Variants in DAB1 observed in about 807,000 individuals in gnomAD.
The protein encoded by DAB1 is DAB adaptor protein 1, also known as disabled homolog 1.
In DAB1, 15 loss-of-function variants were observed where a neutral mutation model predicts 64.6. That is an observed-to-expected ratio of 0.23 (90% CI 0.16 to 0.36). The LOEUF is 0.36. Among genes scored for constraint, DAB1 ranks in the 10% least tolerant of loss-of-function variants. The pLI, the probability that DAB1 is intolerant of heterozygous loss-of-function variation, is 1.00. For missense variants in DAB1, 596 were observed against 706.7 expected (o/e 0.84, Z 1.78); for synonymous variants, 235 against 251.9 (o/e 0.93, Z 0.64).
At chr1:58,097,751 C>T (rs2100625013) in intron 5 of DAB1, among the ~76,000 whole-genome samples, 1 of 152,324 alleles carries the variant, frequency 6.6e-6, no homozygotes, top group East Asian at 1.9e-4. Context: ...CTAGTGTCTG[C>T]ACCTCCACTC....
intron 4 of DAB1, among the ~76,000 whole-genome samples, chr1:58,300,660 GGAAGGAAGGAAGGAAGGA>G (rs1557726403): frequency 4.3e-4 from 50 of 115,074 alleles, no homozygotes; most frequent in African/African-American, 1.8e-3. Context: ...AAGGAAGGAA[GGAAGGAAGGAAGGAAGGA>G]AGGAAGGAAG....
At chr1:58,520,715 GAC>G (rs1364315925) in intron 2 of DAB1, among the ~76,000 whole-genome samples, 1 of 152,038 alleles carries the variant, frequency 6.6e-6, no homozygotes, top group Non-Finnish European at 1.5e-5. Flanking sequence ...TATTACTAGA[GAC>G]AGTGATTTTA....
At chr1:58,529,525 ACTTTC>A (rs1318553618) in intron 1 of DAB1, among the ~76,000 whole-genome samples, 3 of 152,236 alleles carry the variant, frequency 2.0e-5, no homozygotes, top group Non-Finnish European at 4.4e-5. Flanking sequence ...ACCTAGTAAG[ACTTTC>A]CTTTCAGCAT....
chr1:58,096,352 G>A (rs996027205), intron 5 of DAB1, among the ~76,000 whole-genome samples: 4 of 152,146 alleles, frequency 2.6e-5, no homozygotes, highest in African/African-American at 9.7e-5. Flanking sequence ...TATAATAACT[G>A]TAAAGTAGGT....
chr1:58,390,365 T>C (rs1644466293), intron 3 of DAB1, among the ~76,000 whole-genome samples: 1 of 152,078 alleles, frequency 6.6e-6, no homozygotes, highest in East Asian at 1.9e-4. Context: ...TTGGTTTCAC[T>C]TGAGTTTAAT....
At chr1:58,388,477 C>T (rs1644451632) in intron 3 of DAB1, among the ~76,000 whole-genome samples, 5 of 152,174 alleles carry the variant, frequency 3.3e-5, no homozygotes, top group African/African-American at 1.2e-4. Context: ...AGCCTTGATG[C>T]TTAGAAATAA....
At chr1:57,759,158 G>T (rs1557464306) in intron 6 of DAB1, among the ~76,000 whole-genome samples, 1 of 151,698 alleles carries the variant, frequency 6.6e-6, no homozygotes, top group Non-Finnish European at 1.5e-5. Context: ...ACAAGCAGGT[G>T]GCAGTTTCAT....
Position 57,343,510 on chromosome 1 carries a change from C to T in DAB1, c.-136-52344G>A, listed in dbSNP as rs565211697. ...GCGCCATGGAGCAGGGGGCTGCGCT[C>T]ATTGGGGAGGCTCCGCCGCACAAGA... is the stretch of plus-strand genomic sequence containing the variant. On this transcript the variant is annotated intron_variant, in intron 1 of 14. Coordinates refer to ENST00000371236, the MANE Select transcript of DAB1 (RefSeq NM_001365792.1). 2.6e-5 allele frequency among the ~76,000 whole-genome samples: 4 copies of T among 152,344 alleles called. No homozygotes were observed. In the South Asian group the frequency reaches 6.2e-4, roughly 24 times the overall value.
At chr1:57,842,147 T>C (rs1172029699) in intron 1 of DAB1, among the ~76,000 whole-genome samples, 1 of 152,216 alleles carries the variant, frequency 6.6e-6, no homozygotes, top group Non-Finnish European at 1.5e-5. Context: ...AAGTTCAAAG[T>C]TCCATAGAGC....
intron 9 of DAB1, chr1:57,033,358 TA>T: frequency 1.2e-6 from 2 of 1,611,276 alleles, no homozygotes; most frequent in Non-Finnish European, 1.7e-6. Flanking sequence ...CAGAACAACC[TA>T]ATTTAACACA....
At chr1:58,118,611 T>C (rs4912181) in intron 5 of DAB1, among the ~76,000 whole-genome samples, 76 of 43,856 alleles carry the variant, frequency 1.7e-3, no homozygotes, top group African/African-American at 9.7e-3. Flanking sequence ...TATATATACA[T>C]ATATATATAT....
intron 5 of DAB1, among the ~76,000 whole-genome samples, chr1:57,951,452 C>T (rs1645278169): frequency 6.6e-6 from 1 of 151,528 alleles, no homozygotes; most frequent in Non-Finnish European, 1.5e-5. Flanking sequence ...CCAGTTGTTT[C>T]AGTTCTGTGA....
intron 6 of DAB1, among the ~76,000 whole-genome samples, chr1:57,760,899 A>G (rs896155239): frequency 6.6e-6 from 1 of 152,186 alleles, no homozygotes; most frequent in African/African-American, 2.4e-5. Flanking sequence ...GGCCAAAGGA[A>G]GTCACAAAGC....
At position 56,996,295 on chromosome 1, in the gene DAB1, A is replaced by G. The variant is rs563001760; in HGVS notation, c.*1849T>C. Reference sequence around the variant, plus strand: ...ATAATAATAATTATCCTCAAATCCAATTAATCACATGAATCTTTAAAGTTT... The same window carrying G: ...ATAATAATAATTATCCTCAAATCCAGTTAATCACATGAATCTTTAAAGTTT... On this transcript the variant is annotated 3_prime_UTR_variant, in exon 15 of 15. Coordinates refer to ENST00000371236, the MANE Select transcript of DAB1 (RefSeq NM_001365792.1). 4 of 152,308 alleles carry G rather than the reference A, an allele frequency of 2.6e-5. No homozygotes were observed. The highest frequency in any genetic ancestry group is 2.6e-4 in the Admixed American group (4 of 15,304). The allele number at this position is 152,308 out of a possible 1,614,324, so 9.4% of individuals were successfully genotyped here.
At chr1:58,155,533 T>A (rs1655176691) in intron 4 of DAB1, among the ~76,000 whole-genome samples, 2 of 152,190 alleles carry the variant, frequency 1.3e-5, no homozygotes, top group African/African-American at 4.8e-5. Context: ...GGAGTCTCCC[T>A]CTAGCACCCC....
At chr1:58,073,086 G>T (rs537912713) in intron 5 of DAB1, among the ~76,000 whole-genome samples, 1 of 152,294 alleles carries the variant, frequency 6.6e-6, no homozygotes, top group Admixed American at 6.5e-5. Context: ...TAGAAGTCAA[G>T]TAACTTACCC....
chr1:57,815,418 T>C (rs1651810821), intron 6 of DAB1, among the ~76,000 whole-genome samples: 1 of 152,140 alleles, frequency 6.6e-6, no homozygotes, highest in South Asian at 2.1e-4. Context: ...TCACATAGAA[T>C]GAACTGGACT....
intron 7 of DAB1, among the ~76,000 whole-genome samples, chr1:57,433,857 A>G (rs911468846): frequency 6.6e-6 from 1 of 151,926 alleles, no homozygotes; most frequent in South Asian, 2.1e-4. Flanking sequence ...TCACCAAAAA[A>G]AAAAAAACAA....
At chr1:57,215,960 G>A (rs77710249) in intron 2 of DAB1, among the ~76,000 whole-genome samples, 2,346 of 152,286 alleles carry the variant, frequency 0.015, 48 homozygotes, top group African/African-American at 0.054. Context: ...GATCTGAAGA[G>A]TAGGCCCCAA....
Sources: allele counts gnomAD v4.1 joint callset (sites outside exome capture counted in the v4.1 genomes callset), GRCh38; gene constraint gnomAD v4.1.1; transcripts MANE v1.5; gene names NCBI Gene and HGNC (gene_info 2026-07-23, HGNC 2026-07-21).